DROSHA: variants seen among roughly 807,000 people sequenced by gnomAD.
DROSHA encodes the protein ribonuclease 3.
Under a neutral mutation model 181.9 loss-of-function variants are expected in DROSHA, and 56 were observed. The ratio of observed to expected loss-of-function variants is 0.31; its 90% CI spans 0.25 to 0.38. DROSHA has a LOEUF of 0.38. DROSHA is among the 10% of genes least tolerant of loss of function. DROSHA has a pLI of 1.00. For missense variants in DROSHA, 1,218 were observed against 1,743.5 expected, an observed-to-expected ratio of 0.70 and a Z score of 5.37; for synonymous variants, 524 against 591.2, an observed-to-expected ratio of 0.89 and a Z score of 1.65.
chr5:31,494,598 C>T lies in DROSHA; in HGVS notation c.1755+688G>A, dbSNP rs115848665. Among the ~76,000 whole-genome samples the T allele has an allele frequency of 8.1e-3, 1,222 of 151,464 alleles. 21 individuals are homozygous for T. Among genetic ancestry groups the T allele is most frequent in the African/African-American group, 0.028 (1,149 of 41,252 alleles). ...GACCGGAGTTCAAATTCAGCCTGGG[C>T]AACAAAGTGAGATCTCACCTCTGAA... On this transcript the variant is annotated intron_variant, in intron 12 of 35. Coordinates refer to ENST00000344624, the MANE Select transcript of DROSHA (RefSeq NM_001382508.1).
intron 8 of DROSHA, among the ~76,000 whole-genome samples, chr5:31,512,190 A>C (rs1352113570): frequency 1.3e-5 from 2 of 152,252 alleles, no homozygotes; most frequent in Non-Finnish European, 2.9e-5. Context: ...TCTGGTACCC[A>C]GAAGAGGGGA....
chr5:31,437,795 T>C (rs1745063579), intron 23 of DROSHA, among the ~76,000 whole-genome samples: 1 of 152,138 alleles, frequency 6.6e-6, no homozygotes, highest in Non-Finnish European at 1.5e-5. Flanking sequence ...TACCCTATCC[T>C]ATCTACTCAT....
intron 13 of DROSHA, among the ~76,000 whole-genome samples, chr5:31,492,670 T>TCAGGAACTTC (rs1187333189): frequency 2.0e-5 from 3 of 152,222 alleles, no homozygotes; most frequent in African/African-American, 7.2e-5. Context: ...GACTCATGGA[T>TCAGGAACTTC]CAGGAACTTC....
Position 31,404,010 on chromosome 5 carries a change from T to C in DROSHA, c.3994+1667A>G, listed in dbSNP as rs1365134256. ...ATAGCTCACTGCAGCCTCGAACCCC[T>C]GGGCTCAAGTGATCCTCTGGCCTCA... On this transcript the variant is annotated intron_variant, in intron 35 of 35. Transcript: ENST00000344624. 8.6e-5 allele frequency among the ~76,000 whole-genome samples: 13 copies of C among 151,872 alleles called. No individual in the cohort carries two copies. The East Asian group carries it at 2.5e-3, about 29-fold the overall frequency.
chr5:31,454,739 G>T (rs963497280), intron 20 of DROSHA, among the ~76,000 whole-genome samples: 7 of 151,926 alleles, frequency 4.6e-5, no homozygotes, highest in African/African-American at 1.7e-4. Flanking sequence ...AGGAGATCGA[G>T]ATCATCCTGG....
rs7442624 is a variant in DROSHA, at chr5:31,470,855, G to C, written c.2241+1208C>G. ...ACCACCCAGCTGAAACTGGACATCT[G>C]CCACCACCACCGCCCCATCCTCTGA... On this transcript the variant is annotated intron_variant, in intron 17 of 35. Transcript: ENST00000344624. The surrounding 1 kb of genome is among the most constrained non-coding windows in gnomAD (Gnocchi z 4.0). Among the ~76,000 whole-genome samples, 14,367 of 152,100 alleles carry C rather than the reference G, an allele frequency of 0.094. 1,252 individuals carry two copies. The highest frequency in any genetic ancestry group is 0.22 in the East Asian group (1,129 of 5,166).
intron 20 of DROSHA, among the ~76,000 whole-genome samples, chr5:31,453,796 C>T (rs1747314771): frequency 6.6e-6 from 1 of 152,068 alleles, no homozygotes; most frequent in African/African-American, 2.4e-5. Context: ...TCTTGAATCC[C>T]AGACATCAAG....
At chr5:31,523,656 T>C (rs567020602) in intron 5 of DROSHA, among the ~76,000 whole-genome samples, 61 of 152,216 alleles carry the variant, frequency 4.0e-4, no homozygotes, top group African/African-American at 1.4e-3. Flanking sequence ...CAGTTAACAT[T>C]TGCACTATAA....
At chr5:31,418,259 G>A (rs550456494) in intron 30 of DROSHA, among the ~76,000 whole-genome samples, 209 of 152,028 alleles carry the variant, frequency 1.4e-3, no homozygotes, top group South Asian at 2.5e-3. Flanking sequence ...GAGAGAGAGA[G>A]AGGGAGACAG....
At chr5:31,484,235 G>A (rs376634622) in intron 15 of DROSHA, among the ~76,000 whole-genome samples, 2 of 151,866 alleles carry the variant, frequency 1.3e-5, no homozygotes, top group Admixed American at 6.6e-5. Context: ...TTAGCCGGGC[G>A]TAGTGGTGGG....
At chr5:31,464,412 T>C (rs777885334) in intron 19 of DROSHA, 69 bp from the exon 20 acceptor site, 124 of 1,399,790 alleles carry the variant, frequency 8.9e-5, no homozygotes, top group Non-Finnish European at 1.2e-4. Flanking sequence ...ACATCAAGCA[T>C]TAGAAAATAA....
At chr5:31,434,639 C>G (rs753284683) in intron 25 of DROSHA, among the ~76,000 whole-genome samples, 4 of 152,192 alleles carry the variant, frequency 2.6e-5, no homozygotes, top group African/African-American at 9.6e-5. Context: ...ATAATTAATG[C>G]CTTGGCAAGA....
At chr5:31,418,089 C>T (rs767775843) in intron 30 of DROSHA, among the ~76,000 whole-genome samples, 2 of 152,148 alleles carry the variant, frequency 1.3e-5, no homozygotes, top group African/African-American at 4.8e-5. Context: ...ACTCCTCTCA[C>T]GGGAAGATGC....
At chr5:31,508,374 G>C (rs1738244210) in intron 10 of DROSHA, among the ~76,000 whole-genome samples, 1 of 152,094 alleles carries the variant, frequency 6.6e-6, no homozygotes, top group African/African-American at 2.4e-5. Context: ...AATTTAATGA[G>C]GCAGGGCCAT....
intron 20 of DROSHA, among the ~76,000 whole-genome samples, chr5:31,457,567 A>C (rs1747824205): frequency 6.6e-6 from 1 of 152,114 alleles, no homozygotes; most frequent in African/African-American, 2.4e-5. Flanking sequence ...TAAACATTTT[A>C]CATAATTATA....
chr5:31,456,626 A>G (rs1003044874), intron 20 of DROSHA, among the ~76,000 whole-genome samples: 3 of 152,164 alleles, frequency 2.0e-5, no homozygotes, highest in African/African-American at 7.2e-5. Flanking sequence ...AAGAGGAAAA[A>G]ACAAAGCCAA....
At position 31,530,903 on chromosome 5, in the gene DROSHA, T is replaced by C. The variant is rs1741234487; in HGVS notation, c.-152A>G. The C allele has an allele frequency of 1.0e-5, 4 of 398,450 alleles. No individual in the cohort carries two copies. Among genetic ancestry groups the C allele is most frequent in the Non-Finnish European group, 1.8e-5 (4 of 226,064 alleles). The allele number at this position is 398,450 out of a possible 1,614,324, so 24.7% of individuals were successfully genotyped here. ...TGATTCACAGTCATTTCTGTATCCT[T>C]CACATCCCCGGGAAAAGCAACCTAC... is the stretch of plus-strand genomic sequence containing the variant. On this transcript the variant is annotated 5_prime_UTR_variant, in exon 3 of 36. It removes the in-frame stop codon of an upstream open reading frame in the 5' UTR. Transcript: ENST00000344624.
chr5:31,424,584 C>T (rs1410076120), intron 27 of DROSHA, 113 bp from the exon 28 acceptor site: 2 of 1,314,482 alleles, frequency 1.5e-6, no homozygotes, highest in South Asian at 1.5e-5. Context: ...ACTGACTCCA[C>T]TTATGGCAAA....
intron 16 of DROSHA, among the ~76,000 whole-genome samples, chr5:31,475,925 T>C (rs1030748042): frequency 1.3e-5 from 2 of 152,020 alleles, no homozygotes; most frequent in Non-Finnish European, 2.9e-5. Flanking sequence ...GGAGAGCAAA[T>C]TTAATGTGAA....
Sources: gnomAD v4.1 joint callset for allele counts (sites outside exome capture counted in the v4.1 genomes callset) on GRCh38, gnomAD v4.1.1 for gene constraint, Gnocchi (gnomAD v3.1) non-coding constraint, MANE v1.5 for transcripts, NCBI Gene and HGNC (gene_info 2026-07-23, HGNC 2026-07-21) for gene names.